Variants in PCDH15 observed in about 807,000 individuals in gnomAD.
PCDH15 encodes protocadherin related 15, also known as protocadherin-15.
A neutral mutation model predicts 178.5 loss-of-function variants in PCDH15; 129 were observed. That is an observed-to-expected ratio of 0.72 (90% CI 0.63 to 0.84). The LOEUF (loss-of-function observed/expected upper bound fraction) is 0.84, where lower values mean the gene tolerates loss of function less well. Ranked by LOEUF, PCDH15 falls within the 40% of genes least tolerant of loss-of-function variation. The pLI, the probability that PCDH15 is intolerant of heterozygous loss-of-function variation, is 0.00. For missense variants in PCDH15, 2,230 were observed against 2,099.9 expected (o/e 1.06, Z -1.21); for synonymous variants, 800 against 732.0 (o/e 1.09, Z -1.50).
intron 2 of PCDH15, among the ~76,000 whole-genome samples, chr10:55,592,088 A>G (rs1842852345): frequency 6.6e-6 from 1 of 152,152 alleles, no homozygotes; most frequent in Non-Finnish European, 1.5e-5. Context: ...TCCCTTGTCT[A>G]GATGCAGTCA....
chr10:55,597,371 T>G (rs1421708971), intron 2 of PCDH15: 1 of 152,124 alleles, frequency 6.6e-6, no homozygotes, highest in African/African-American at 2.4e-5. Context: ...CATCTCTGAC[T>G]TTATTGTTAA....
intron 8 of PCDH15, among the ~76,000 whole-genome samples, chr10:54,266,318 G>C (rs1459508301): frequency 1.3e-5 from 2 of 151,886 alleles, no homozygotes; most frequent in African/African-American, 4.8e-5. Context: ...GCAGTTTAAA[G>C]AGGAAAAATT....
intron 21 of PCDH15, among the ~76,000 whole-genome samples, chr10:53,973,296 T>TG (rs2089909146): frequency 1.2e-5 from 1 of 81,406 alleles, no homozygotes; most frequent in Non-Finnish European, 2.3e-5. Flanking sequence ...TGTCATGGGG[T>TG]GGGGGGAGGG....
intron 1 of PCDH15, among the ~76,000 whole-genome samples, chr10:55,252,537 CAA>C (rs761397647): frequency 6.6e-6 from 1 of 151,904 alleles, no homozygotes; most frequent in East Asian, 1.9e-4. Flanking sequence ...CTTAGAAATC[CAA>C]AGTTTTTTTC....
intron 3 of PCDH15, among the ~76,000 whole-genome samples, chr10:54,831,668 C>T (rs1953229486): frequency 6.6e-6 from 1 of 152,152 alleles, no homozygotes; most frequent in East Asian, 1.9e-4. Context: ...GGAAAATTAT[C>T]TTGAATTCCA....
At chr10:54,335,089 G>C (rs1047712211) in intron 6 of PCDH15, among the ~76,000 whole-genome samples, 2 of 152,146 alleles carry the variant, frequency 1.3e-5, no homozygotes, top group Non-Finnish European at 2.9e-5. Context: ...GTCATTGTTT[G>C]TGTGTCTCCT....
At chr10:54,675,894 A>G (rs904405458) in intron 1 of PCDH15, among the ~76,000 whole-genome samples, 8 of 152,162 alleles carry the variant, frequency 5.3e-5, no homozygotes, top group Non-Finnish European at 1.2e-4. Context: ...GAAACGTATC[A>G]TTTTCACAAA....
chr10:54,127,302 C>A (rs1386579863), intron 15 of PCDH15, among the ~76,000 whole-genome samples: 1 of 152,084 alleles, frequency 6.6e-6, no homozygotes, highest in East Asian at 1.9e-4. Flanking sequence ...ATCCATTTGG[C>A]AAATTGTGGT....
At chr10:54,041,537 ATAAAG>A (rs1290576345) in intron 18 of PCDH15, among the ~76,000 whole-genome samples, 3 of 152,150 alleles carry the variant, frequency 2.0e-5, no homozygotes, top group Non-Finnish European at 2.9e-5. Flanking sequence ...AACCTAAGTA[ATAAAG>A]TAAATATGCA....
chr10:54,480,344 A>G lies in PCDH15; in HGVS notation c.157+47468T>C, dbSNP rs1342307. Among the ~76,000 whole-genome samples, 1,281 of 152,156 alleles carry G rather than the reference A, an allele frequency of 8.4e-3. 21 individuals carry two copies. Among genetic ancestry groups the G allele is most frequent in the African/African-American group, 0.029 (1,199 of 41,540 alleles). On this transcript the variant is annotated intron_variant, in intron 3 of 37. Transcript: ENST00000644397. ...TTGCTTGTGCACACCTAAAAACTCA[A>G]TGGAGGTTAAGTAGCATATCACTGC...
intron 15 of PCDH15, among the ~76,000 whole-genome samples, chr10:54,098,938 T>C (rs753342969): frequency 6.6e-6 from 1 of 152,198 alleles, no homozygotes; most frequent in Non-Finnish European, 1.5e-5. Context: ...AATAGAAGTT[T>C]ATTTGTTCTT....
chr10:55,189,465 A>T (rs1423235045), intron 1 of PCDH15, among the ~76,000 whole-genome samples: 4 of 151,820 alleles, frequency 2.6e-5, no homozygotes, highest in Non-Finnish European at 5.9e-5. Flanking sequence ...ATAATTAAAT[A>T]ACCTCATGTT....
chr10:54,763,868 A>G (rs1948199370), intron 1 of PCDH15, among the ~76,000 whole-genome samples: 1 of 150,786 alleles, frequency 6.6e-6, no homozygotes, highest in African/African-American at 2.4e-5. Context: ...AATGATTAGT[A>G]CAGAATATTT....
intron 8 of PCDH15, among the ~76,000 whole-genome samples, chr10:54,271,979 C>A (rs1294494496): frequency 7.0e-6 from 1 of 142,636 alleles, no homozygotes; most frequent in Admixed American, 7.1e-5. Context: ...GTACCTCCTA[C>A]CCAGTAACAT....
chr10:54,530,990 G>A (rs2083853583), intron 2 of PCDH15, among the ~76,000 whole-genome samples: 1 of 152,168 alleles, frequency 6.6e-6, no homozygotes, highest in Non-Finnish European at 1.5e-5. Context: ...GTCTTGGAAA[G>A]AAAGTAATTT....
chr10:54,326,709 T>C (rs1000009561), intron 7 of PCDH15, among the ~76,000 whole-genome samples: 2 of 152,064 alleles, frequency 1.3e-5, no homozygotes, highest in African/African-American at 4.8e-5. Flanking sequence ...CTGCCTCTCT[T>C]GAACATCATG....
intron 1 of PCDH15, among the ~76,000 whole-genome samples, chr10:55,220,337 A>G (rs1056259723): frequency 4.6e-5 from 7 of 152,056 alleles, no homozygotes; most frequent in African/African-American, 1.7e-4. Context: ...TGACTTATAG[A>G]ATTTAATTTT....
chr10:54,855,161 T>A (rs1953714657), intron 3 of PCDH15, among the ~76,000 whole-genome samples: 1 of 152,106 alleles, frequency 6.6e-6, no homozygotes, highest in African/African-American at 2.4e-5. Flanking sequence ...AGCCAGGCAG[T>A]GGTAGCAGGC....
At position 53,891,293 on chromosome 10, in the gene PCDH15, T is replaced by C. The variant is rs573772996; in HGVS notation, c.3501+11950A>G. On this transcript the variant is annotated intron_variant, in intron 26 of 37. Transcript: ENST00000644397. ...TTTCAAAGGGAGAACCAAATGTCAG[T>C]ATTCTTGCTCTACAGATGATGGAGG... Among the ~76,000 whole-genome samples the C allele has an allele frequency of 1.6e-4, 25 of 152,328 alleles. 1 individual carries two copies. In the South Asian group the frequency reaches 5.2e-3, roughly 32 times the overall value.
Sources: allele counts gnomAD v4.1 joint callset (sites outside exome capture counted in the v4.1 genomes callset), GRCh38; gene constraint gnomAD v4.1.1; transcripts MANE v1.5; gene names NCBI Gene and HGNC (gene_info 2026-07-23, HGNC 2026-07-21).